PHF11: variants seen among roughly 807,000 people sequenced by gnomAD.
PHF11 encodes the protein BRCA1 C-terminus-associated protein.
Under a neutral mutation model 40.5 loss-of-function variants are expected in PHF11, and 38 were observed. The observed-to-expected ratio is 0.94, with a 90% CI of 0.72 to 1.23. PHF11 has a LOEUF of 1.23. Ranked by LOEUF, PHF11 falls within the 50% of genes most tolerant of loss-of-function variation. The pLI is 0.00. For missense variants in PHF11, 369 were observed against 392.4 expected (o/e 0.94, Z 0.50); for synonymous variants, 127 against 138.2 (o/e 0.92, Z 0.57).
intron 5 of PHF11, chr13:49,521,201 A>AAGAC: frequency 2.7e-6 from 3 of 1,110,348 alleles, no homozygotes; most frequent in Non-Finnish European, 3.3e-6. Context: ...GAACCAAACT[A>AAGAC]AGACATGGGA....
At chr13:49,519,034 A>G (rs1017863042) in intron 4 of PHF11, among the ~76,000 whole-genome samples, 1 of 151,690 alleles carries the variant, frequency 6.6e-6, no homozygotes, top group African/African-American at 2.4e-5. Flanking sequence ...ACGGGGTTTC[A>G]CCGTGTTAGC....
At chr13:49,522,209 CAGAG>C (rs975483976) in intron 6 of PHF11, 102 bp downstream of exon 6, 23 of 619,666 alleles carry the variant, frequency 3.7e-5, no homozygotes, top group Middle Eastern at 5.3e-4. Flanking sequence ...ATCGTCCAAA[CAGAG>C]AGCCTTTGAA....
chr13:49,501,017 G>GTTTTTT lies in PHF11; in HGVS notation c.94+4928_94+4933dup, dbSNP rs1491587127. On this transcript the variant is annotated intron_variant, in intron 1 of 9. Coordinates refer to ENST00000378319, the MANE Select transcript of PHF11 (RefSeq NM_001040443.3). ...CAACTTTTGTTTTTTTTTTTTTTTG[G>GTTTTTT]TTTTTTTTTTTCTGAAATGGAGTTT... 7.6e-3 allele frequency among the ~76,000 whole-genome samples: 823 copies of GTTTTTT among 108,762 alleles called. 160 individuals are homozygous for GTTTTTT. The highest frequency in any genetic ancestry group is 0.027 in the African/African-American group (651 of 23,952). 71.4% of individuals were successfully genotyped at this position (108,762 alleles called of 152,430 possible).
chr13:49,510,320 T>C (rs1009045739), intron 2 of PHF11, among the ~76,000 whole-genome samples: 4 of 152,168 alleles, frequency 2.6e-5, no homozygotes, highest in African/African-American at 9.7e-5. Context: ...CCACCATACC[T>C]GGCCTAATAA....
chr13:49,504,504 G>A (rs1265300816), intron 1 of PHF11, among the ~76,000 whole-genome samples: 10 of 70,506 alleles, frequency 1.4e-4, no homozygotes, highest in Non-Finnish European at 4.4e-4. Context: ...GCCCCGTCCG[G>A]GAGGTGAGGG....
intron 1 of PHF11, among the ~76,000 whole-genome samples, chr13:49,499,113 A>G (rs1958866336): frequency 6.6e-6 from 1 of 152,234 alleles, no homozygotes; most frequent in Non-Finnish European, 1.5e-5. Flanking sequence ...CTCTCAGTGT[A>G]TCTGCTTTGT....
chr13:49,495,985 G>A lies in PHF11; in HGVS notation c.-17G>A. 6.7e-7 allele frequency: 1 copy of A among 1,486,614 alleles called. No homozygotes were observed. The highest frequency in any genetic ancestry group is 8.9e-7 in the Non-Finnish European group (1 of 1,118,118). The allele number at this position is 1,486,614 out of a possible 1,614,324, so 92.1% of individuals were successfully genotyped here. A position where few individuals can be genotyped will look rare whatever the true frequency, so the allele number is the denominator to read the frequency against. ...GGATCTCGCTATCCGGCCGCCACCCGCAGCTGCAGCACAGTCATGGCCCAG... is the reference window on the plus strand; with the variant it reads ...GGATCTCGCTATCCGGCCGCCACCCACAGCTGCAGCACAGTCATGGCCCAG... On this transcript the variant is annotated 5_prime_UTR_variant, in exon 1 of 10. Coordinates refer to ENST00000378319, the MANE Select transcript of PHF11 (RefSeq NM_001040443.3).
At chr13:49,504,694 A>G (rs1958959209) in intron 1 of PHF11, among the ~76,000 whole-genome samples, 1 of 151,366 alleles carries the variant, frequency 6.6e-6, no homozygotes, top group Non-Finnish European at 1.5e-5. Flanking sequence ...CTGCCCGGCC[A>G]CCACCCCGTC....
rs1291983378 is a variant in PHF11, at chr13:49,501,011, T to G, written c.94+4916T>G. Among the ~76,000 whole-genome samples the G allele has an allele frequency of 4.3e-3, 514 of 118,270 alleles. 25 individuals are homozygous for G. Among genetic ancestry groups the G allele is most frequent in the African/African-American group, 6.4e-3 (173 of 26,886 alleles). 77.6% of individuals were successfully genotyped at this position (118,270 alleles called of 152,430 possible). On this transcript the variant is annotated intron_variant, in intron 1 of 9. Coordinates refer to ENST00000378319, the MANE Select transcript of PHF11 (RefSeq NM_001040443.3). ...AGTCACCAACTTTTGTTTTTTTTTT[T>G]TTTTGGTTTTTTTTTTTCTGAAATG...
chr13:49,501,138 C>T (rs1054511899), intron 1 of PHF11, among the ~76,000 whole-genome samples: 1 of 151,894 alleles, frequency 6.6e-6, no homozygotes, highest in African/African-American at 2.4e-5. Flanking sequence ...CTCAGCCTCC[C>T]GAGTAGCGGG....
rs61316360 is a variant in PHF11 at position 49,515,455 on chromosome 13, T to TACACAC, written c.324+2333_324+2338dup. ...CAAAAAAGTACAGTTCCATCTCCTATACACACACACACACACACACACACA... is the reference window on the plus strand; with the variant it reads ...CAAAAAAGTACAGTTCCATCTCCTATACACACACACACACACACACACACACACACA... On this transcript the variant is annotated intron_variant, in intron 3 of 9. Coordinates refer to ENST00000378319, the MANE Select transcript of PHF11 (RefSeq NM_001040443.3). 6.8e-3 allele frequency among the ~76,000 whole-genome samples: 931 copies of TACACAC among 137,658 alleles called. 12 individuals carry two copies. The highest frequency in any genetic ancestry group is 0.019 in the South Asian group (77 of 3,972). The allele number at this position is 137,658 out of a possible 152,430, so 90.3% of individuals were successfully genotyped here.
At position 49,522,028 on chromosome 13, in the gene PHF11, G is replaced by T; in HGVS notation, c.506-15G>T. On this transcript the variant is annotated splice_polypyrimidine_tract_variant and intron_variant, in intron 5 of 9. Transcript: ENST00000378319. ...CCTTTATGGATTCCAATTTTTAAAT[G>T]GTTTATATTTTTAGCTAAATTTTCA... 3 of 1,280,164 alleles carry T rather than the reference G, an allele frequency of 2.3e-6. No homozygotes were observed. Among genetic ancestry groups the T allele is most frequent in the South Asian group, 2.4e-5 (2 of 82,368 alleles). 79.3% of individuals were successfully genotyped at this position (1,280,164 alleles called of 1,614,324 possible).
At chr13:49,500,051 G>T (rs1958878738) in intron 1 of PHF11, among the ~76,000 whole-genome samples, 1 of 152,198 alleles carries the variant, frequency 6.6e-6, no homozygotes, top group Non-Finnish European at 1.5e-5. Context: ...CCTGCAGATT[G>T]CCGGAGAGAT....
intron 1 of PHF11, among the ~76,000 whole-genome samples, chr13:49,504,121 G>A (rs376261198): frequency 1.3e-5 from 2 of 151,888 alleles, no homozygotes; most frequent in African/African-American, 2.4e-5. Context: ...GGACAGCATC[G>A]GTCTAGAGTG....
At chr13:49,513,355 A>T (rs1025986591) in intron 3 of PHF11, among the ~76,000 whole-genome samples, 189 bp downstream of exon 3, 1 of 122,526 alleles carries the variant, frequency 8.2e-6, no homozygotes, top group African/African-American at 3.4e-5. Context: ...TTTGAGACGG[A>T]GTTTTGCTCT....
intron 2 of PHF11, among the ~76,000 whole-genome samples, chr13:49,508,320 A>C (rs148841046): frequency 2.0e-4 from 25 of 121,978 alleles, no homozygotes; most frequent in African/African-American, 6.6e-4. Context: ...ATTTTATATA[A>C]TATATTACTA....
intron 3 of PHF11, among the ~76,000 whole-genome samples, chr13:49,515,977 C>T (rs914760297): frequency 1.3e-5 from 2 of 152,194 alleles, no homozygotes; most frequent in Admixed American, 6.5e-5. Flanking sequence ...GTCTTGTCCT[C>T]GCTGTAGCTT....
At chr13:49,515,729 G>C (rs1959144329) in intron 3 of PHF11, among the ~76,000 whole-genome samples, 1 of 151,936 alleles carries the variant, frequency 6.6e-6, no homozygotes, top group Non-Finnish European at 1.5e-5. Context: ...ACTGACACTC[G>C]CCCGACTGTC....
chr13:49,510,517 C>T (rs1353654117), intron 2 of PHF11, among the ~76,000 whole-genome samples: 1 of 152,090 alleles, frequency 6.6e-6, no homozygotes, highest in East Asian at 1.9e-4. Context: ...GACAAGGTCT[C>T]CCCAGGCTGG....
Sources: gnomAD v4.1 joint callset for allele counts (sites outside exome capture counted in the v4.1 genomes callset) on GRCh38, gnomAD v4.1.1 for gene constraint, MANE v1.5 for transcripts, NCBI Gene and HGNC (gene_info 2026-07-23, HGNC 2026-07-21) for gene names.